The following RAP1B variants were observed in gnomAD, a reference collection of about 807,000 sequenced individuals.
RAP1B encodes the protein ras-related protein Rap-1b.
In RAP1B, 1 loss-of-function variant was observed where a neutral mutation model predicts 27.5. The ratio of observed to expected loss-of-function variants is 0.04; its 90% CI spans 0.01 to 0.17. The LOEUF (loss-of-function observed/expected upper bound fraction) is 0.17. Ranked by LOEUF, RAP1B falls within the 10% of genes least tolerant of loss-of-function variation. The pLI is 1.00. For missense variants in RAP1B, 84 were observed against 214.8 expected (o/e 0.39, Z 3.81); for synonymous variants, 75 against 73.1 (o/e 1.03, Z -0.13).
chr12:68,649,614 A>G (rs1013066424), intron 2 of RAP1B: 2 of 152,226 alleles, frequency 1.3e-5, no homozygotes, highest in African/African-American at 4.8e-5. Flanking sequence ...TGTCTCACTC[A>G]TAAGATAAAC....
chr12:68,616,741 G>A (rs1486414893), intron 1 of RAP1B, among the ~76,000 whole-genome samples: 1 of 151,776 alleles, frequency 6.6e-6, no homozygotes. Context: ...GCCAGGTTTT[G>A]TATTTTTTGT....
chr12:68,655,518 TAGTA>T (rs1874138715), intron 5 of RAP1B, among the ~76,000 whole-genome samples: 1 of 151,092 alleles, frequency 6.6e-6, no homozygotes, highest in East Asian at 1.9e-4. Flanking sequence ...GCTTGATTTT[TAGTA>T]AATTTTGATT....
intron 1 of RAP1B, among the ~76,000 whole-genome samples, chr12:68,611,612 A>G (rs924223889): frequency 2.6e-5 from 4 of 152,266 alleles, no homozygotes; most frequent in South Asian, 2.1e-4. Context: ...TGAGCCTGAC[A>G]GCGAAAAAGT....
rs752761746 is a variant in RAP1B at position 68,661,032 on chromosome 12, T to C, written c.*1783T>C. 16 of 152,200 alleles carry C rather than the reference T, an allele frequency of 1.1e-4. No individual in the cohort carries two copies. Among genetic ancestry groups the C allele is most frequent in the South Asian group, 1.0e-3 (5 of 4,836 alleles). 9.4% of individuals were successfully genotyped at this position (152,200 alleles called of 1,614,324 possible). Reference sequence around the variant, plus strand: ...GAATTATTTTAAAACTTTTTAAAAATTGTAAAGCTCTTAAAAAACTTTTTG... The same window carrying C: ...GAATTATTTTAAAACTTTTTAAAAACTGTAAAGCTCTTAAAAAACTTTTTG... On this transcript the variant is annotated 3_prime_UTR_variant, in exon 8 of 8. Coordinates refer to ENST00000250559, the MANE Select transcript of RAP1B (RefSeq NM_001010942.3).
chr12:68,663,401 A>G lies in RAP1B; in HGVS notation c.*4152A>G, dbSNP rs1414407821. 2 of 152,186 alleles carry G rather than the reference A, an allele frequency of 1.3e-5. No homozygotes were observed. The highest frequency in any genetic ancestry group is 4.1e-4 in the South Asian group (2 of 4,828). 9.4% of individuals were successfully genotyped at this position (152,186 alleles called of 1,614,324 possible). A position where few individuals can be genotyped will look rare whatever the true frequency, so the allele number is the denominator to read the frequency against. ...TGATATTTCAAGAATACATGAGAGA[A>G]GAGAGGTAGATTGAGAACAGAACTA... On this transcript the variant is annotated 3_prime_UTR_variant, in exon 8 of 8. Transcript: ENST00000250559.
At chr12:68,644,515 C>T (rs912917537) in intron 1 of RAP1B, among the ~76,000 whole-genome samples, 3 of 150,696 alleles carry the variant, frequency 2.0e-5, no homozygotes, top group African/African-American at 7.3e-5. Flanking sequence ...ACCTGGGAGG[C>T]GGAGGTTGCA....
At chr12:68,650,199 C>T (rs973262974) in intron 2 of RAP1B, 4 of 390,482 alleles carry the variant, frequency 1.0e-5, no homozygotes, top group South Asian at 5.0e-5. Context: ...CAATAAGGAG[C>T]ATAGTGATTA....
At chr12:68,616,861 G>C (rs1871063910) in intron 1 of RAP1B, among the ~76,000 whole-genome samples, 1 of 152,154 alleles carries the variant, frequency 6.6e-6, no homozygotes, top group Non-Finnish European at 1.5e-5. Flanking sequence ...CACTGTGCCT[G>C]GCCCAGCATT....
chr12:68,652,071 A>G lies in RAP1B; in HGVS notation c.183+20A>G, dbSNP rs199504514. On this transcript the variant is annotated intron_variant, in intron 4 of 7. Coordinates refer to ENST00000250559, the MANE Select transcript of RAP1B (RefSeq NM_001010942.3). ...GGAACGGTAGGTAAAACTAAATACC[A>G]AAGTATATACACCGTTTGTACAGTA... is the stretch of plus-strand genomic sequence containing the variant. The G allele has an allele frequency of 2.0e-5, 31 of 1,576,146 alleles. No homozygotes were observed. The East Asian group carries it at 6.0e-4, about 31-fold the overall frequency.
intron 5 of RAP1B, among the ~76,000 whole-genome samples, chr12:68,654,752 T>TAAAG (rs143325382): frequency 0.062 from 9,399 of 152,138 alleles, 712 homozygotes; most frequent in African/African-American, 0.19. Context: ...GCTGGGATTT[T>TAAAG]AAAGGCAAGA....
chr12:68,662,161 A>G lies in RAP1B; in HGVS notation c.*2912A>G, dbSNP rs1423976116. 3 of 151,226 alleles carry G rather than the reference A, an allele frequency of 2.0e-5. No individual in the cohort carries two copies. The highest frequency in any genetic ancestry group is 4.4e-5 in the Non-Finnish European group (3 of 67,816). The allele number at this position is 151,226 out of a possible 1,614,324, so 9.4% of individuals were successfully genotyped here. On this transcript the variant is annotated 3_prime_UTR_variant, in exon 8 of 8. Transcript: ENST00000250559. Reference sequence around the variant, plus strand: ...ATAAGGCTGTGGTTTGGCAAAAAGCACCATTTTCTCCTATACAAAATAGTA... The same window carrying G: ...ATAAGGCTGTGGTTTGGCAAAAAGCGCCATTTTCTCCTATACAAAATAGTA...
At chr12:68,642,534 G>C in intron 1 of RAP1B, 1 of 1,006,706 alleles carries the variant, frequency 9.9e-7, no homozygotes, top group Non-Finnish European at 1.6e-6. Flanking sequence ...TCGATTAGTT[G>C]GTGAGGCCAA....
At chr12:68,647,380 A>ACCCCCCCCCCCC (rs1565670481) in intron 1 of RAP1B, among the ~76,000 whole-genome samples, 1 of 4,792 alleles carries the variant, frequency 2.1e-4, no homozygotes, top group Non-Finnish European at 3.8e-4. Context: ...CCCCCACTCC[A>ACCCCCCCCCCCC]CTCCCCGCCC....
At chr12:68,621,140 G>A (rs1191489362) in intron 1 of RAP1B, among the ~76,000 whole-genome samples, 1 of 152,200 alleles carries the variant, frequency 6.6e-6, no homozygotes, top group Non-Finnish European at 1.5e-5. Flanking sequence ...ATGTGAAAAT[G>A]CTAACTTCAG....
At chr12:68,627,896 T>A (rs117878367) in intron 1 of RAP1B, among the ~76,000 whole-genome samples, 1 of 151,874 alleles carries the variant, frequency 6.6e-6, no homozygotes, top group Non-Finnish European at 1.5e-5. Context: ...AGGCCAGGAG[T>A]TTGAGACCAG....
intron 1 of RAP1B, among the ~76,000 whole-genome samples, chr12:68,617,638 C>T (rs1380305077): frequency 6.6e-6 from 1 of 152,202 alleles, no homozygotes; most frequent in Non-Finnish European, 1.5e-5. Context: ...AAAATGTGTA[C>T]TTTCCTTCTG....
intron 1 of RAP1B, among the ~76,000 whole-genome samples, chr12:68,637,834 C>G (rs1592445946): frequency 6.6e-6 from 1 of 152,034 alleles, no homozygotes; most frequent in African/African-American, 2.4e-5. Flanking sequence ...ACTAGCCTCA[C>G]TCAGTTCAGG....
Position 68,671,279 on chromosome 12 carries a change from A to G in RAP1B, c.*12030A>G, listed in dbSNP as rs1875084596. On this transcript the variant is annotated 3_prime_UTR_variant, in exon 8 of 8. Coordinates refer to ENST00000250559, the MANE Select transcript of RAP1B (RefSeq NM_001010942.3). Reference sequence around the variant, plus strand: ...TCATTTATTGCTGATGGAAATGTGCATTGTAGAGCTGATATCTGTTCAAAT... The same window carrying G: ...TCATTTATTGCTGATGGAAATGTGCGTTGTAGAGCTGATATCTGTTCAAAT... 6.6e-6 allele frequency: 1 copy of G among 152,168 alleles called. No individual in the cohort carries two copies. The highest frequency in any genetic ancestry group is 2.4e-5 in the African/African-American group (1 of 41,432). 9.4% of individuals were successfully genotyped at this position (152,168 alleles called of 1,614,324 possible). A position where few individuals can be genotyped will look rare whatever the true frequency, so the allele number is the denominator to read the frequency against.
At chr12:68,612,238 AATTT>A (rs1742570331) in intron 1 of RAP1B, among the ~76,000 whole-genome samples, 1 of 152,166 alleles carries the variant, frequency 6.6e-6, no homozygotes, top group Non-Finnish European at 1.5e-5. Flanking sequence ...CTGACTTGTA[AATTT>A]ATTTTTCAGC....
Sources: gnomAD v4.1 joint callset for allele counts (sites outside exome capture counted in the v4.1 genomes callset) on GRCh38, gnomAD v4.1.1 for gene constraint, MANE v1.5 for transcripts, NCBI Gene and HGNC (gene_info 2026-07-23, HGNC 2026-07-21) for gene names.